Variants in PPARGC1A observed in about 807,000 individuals in gnomAD.
PPARGC1A encodes peroxisome proliferator-activated receptor gamma coactivator 1-alpha.
In PPARGC1A, 25 loss-of-function variants were observed where a neutral mutation model predicts 88.7. The ratio of observed to expected loss-of-function variants is 0.28; its 90% CI spans 0.21 to 0.39. The LOEUF is 0.39. Among genes scored for constraint, PPARGC1A ranks in the 10% least tolerant of loss-of-function variants. The pLI, the probability that PPARGC1A is intolerant of heterozygous loss-of-function variation, is 1.00. For synonymous variants in PPARGC1A, 363 were observed against 355.6 expected (o/e 1.02, Z -0.24); for missense variants, 880 against 968.7 (o/e 0.91, Z 1.22).
At chr4:23,798,138 C>G (rs1257274985) in intron 12 of PPARGC1A, among the ~76,000 whole-genome samples, 4 of 152,078 alleles carry the variant, frequency 2.6e-5, no homozygotes, top group African/African-American at 7.2e-5. Context: ...CACCCCATCT[C>G]CCTTCTCTGA....
At chr4:24,071,840 T>G in the PPARGC1A span, among the ~76,000 whole-genome samples, 3 of 152,196 alleles carry the variant, frequency 2.0e-5, no homozygotes, top group Non-Finnish European at 4.4e-5. Context: ...TGATGTAACG[T>G]GAATTCACCT....
the PPARGC1A span, among the ~76,000 whole-genome samples, chr4:24,236,448 T>C: frequency 1.3e-5 from 2 of 152,158 alleles, no homozygotes; most frequent in Non-Finnish European, 2.9e-5. Context: ...GGAAATGCCA[T>C]GTGCGAGGCT....
At chr4:23,801,040 G>A (rs1334886193) in intron 12 of PPARGC1A, among the ~76,000 whole-genome samples, 1 of 148,068 alleles carries the variant, frequency 6.8e-6, no homozygotes, top group Non-Finnish European at 1.5e-5. Context: ...TCTCTTAGTT[G>A]TAGTTCATAG....
At chr4:24,167,215 A>T in the PPARGC1A span, among the ~76,000 whole-genome samples, 1 of 152,208 alleles carries the variant, frequency 6.6e-6, no homozygotes, top group African/African-American at 2.4e-5. Context: ...GGAAGAAACC[A>T]TAGATGTGGT....
chr4:24,427,337 G>A, the PPARGC1A span, among the ~76,000 whole-genome samples: 1 of 149,558 alleles, frequency 6.7e-6, no homozygotes, highest in Admixed American at 6.7e-5. Context: ...CTAGAGTGCA[G>A]TGATGTAATC....
At chr4:23,802,676 C>T (rs1317630046) in intron 10 of PPARGC1A, among the ~76,000 whole-genome samples, 1 of 26,130 alleles carries the variant, frequency 3.8e-5, no homozygotes, top group Non-Finnish European at 8.6e-5. Context: ...GACTCCATCT[C>T]AAAAAAAAAA....
chr4:24,197,797 A>C, the PPARGC1A span, among the ~76,000 whole-genome samples: 1 of 152,222 alleles, frequency 6.6e-6, no homozygotes, highest in South Asian at 2.1e-4. Flanking sequence ...GCCAGTTAAC[A>C]GTTCCTTCTT....
intron 2 of PPARGC1A, among the ~76,000 whole-genome samples, chr4:23,870,829 C>T (rs1713158335): frequency 6.6e-6 from 1 of 151,678 alleles, no homozygotes; most frequent in African/African-American, 2.4e-5. Flanking sequence ...ATAAAAATAA[C>T]CATAAAAATG....
chr4:24,047,159 T>G, the PPARGC1A span, among the ~76,000 whole-genome samples: 2 of 152,230 alleles, frequency 1.3e-5, no homozygotes, highest in Admixed American at 6.5e-5. Flanking sequence ...CCAAACTCAA[T>G]CGTTCCTCCT....
chr4:24,056,543 G>C, the PPARGC1A span, among the ~76,000 whole-genome samples: 1 of 151,928 alleles, frequency 6.6e-6, no homozygotes, highest in Non-Finnish European at 1.5e-5. Flanking sequence ...TTTTTTTGTT[G>C]ATCTGTGTCG....
chr4:24,069,457 T>G, the PPARGC1A span, among the ~76,000 whole-genome samples: 2 of 152,206 alleles, frequency 1.3e-5, no homozygotes, highest in African/African-American at 2.4e-5. Context: ...GACATGACAT[T>G]CCTTCTTTGA....
the PPARGC1A span, among the ~76,000 whole-genome samples, chr4:24,305,243 A>T: frequency 6.6e-6 from 1 of 150,678 alleles, no homozygotes; most frequent in Non-Finnish European, 1.5e-5. Context: ...TAGCATGATC[A>T]TATATATAAT....
the PPARGC1A span, among the ~76,000 whole-genome samples, chr4:24,050,983 G>C: frequency 2.0e-5 from 3 of 151,954 alleles, no homozygotes; most frequent in Non-Finnish European, 4.4e-5. Flanking sequence ...GTCAGGAGAT[G>C]GAGACCATCC....
intron 2 of PPARGC1A, among the ~76,000 whole-genome samples, chr4:23,870,885 T>C (rs1212805024): frequency 6.6e-6 from 1 of 151,570 alleles, no homozygotes; most frequent in Non-Finnish European, 1.5e-5. Flanking sequence ...CTATAAAAGA[T>C]GTAGCTGGAA....
the PPARGC1A span, among the ~76,000 whole-genome samples, chr4:24,064,054 C>T: frequency 1.3e-5 from 2 of 152,190 alleles, no homozygotes; most frequent in African/African-American, 4.8e-5. Flanking sequence ...ACTGCCCGAG[C>T]AGCACCTTCC....
the PPARGC1A span, among the ~76,000 whole-genome samples, chr4:24,466,218 G>A: frequency 2.8e-4 from 43 of 152,178 alleles, no homozygotes; most frequent in Admixed American, 2.4e-3. Flanking sequence ...ACTTCACCTC[G>A]TTCATCAAAA....
the PPARGC1A span, among the ~76,000 whole-genome samples, chr4:24,388,283 C>A: frequency 6.6e-6 from 1 of 152,112 alleles, no homozygotes; most frequent in Non-Finnish European, 1.5e-5. Context: ...CCATCTCACA[C>A]CAGTTAGAAT....
chr4:23,967,233 G>A, the PPARGC1A span, among the ~76,000 whole-genome samples: 1 of 152,202 alleles, frequency 6.6e-6, no homozygotes, highest in East Asian at 1.9e-4. Context: ...AATGCATCCC[G>A]TGGCCTTTTT....
chr4:23,813,986 C>T lies in PPARGC1A; in HGVS notation c.1497G>A (p.Met499Ile). The stretch of plus-strand genomic sequence containing the variant: ...CCATGGCTAGTCCTGAATTTATAAA[C>T]ATAGGTAGTTTGGAGAATTGTTCAT... ...FSNEQFSKLP[M>I]FINSGLAMDG... is the part of the protein sequence containing the mutation. The change falls in exon 8 of 13, where the codon ATG (methionine) becomes ATA (isoleucine). Residue 499 changes from methionine to isoleucine, a missense_variant. Met to Ile is a conservative substitution (Grantham distance 10, BLOSUM62 1). Coordinates refer to ENST00000264867, the MANE Select transcript of PPARGC1A (RefSeq NM_013261.5). 1 of 1,614,128 alleles carries T rather than the reference C, an allele frequency of 6.2e-7. No homozygotes were observed. The highest frequency in any genetic ancestry group is 8.5e-7 in the Non-Finnish European group (1 of 1,179,980).
Sources: gnomAD v4.1 joint callset for allele counts (sites outside exome capture counted in the v4.1 genomes callset) on GRCh38, gnomAD v4.1.1 for gene constraint, MANE v1.5 for transcripts, NCBI Gene and HGNC (gene_info 2026-07-23, HGNC 2026-07-21) for gene names.